Variants in TJP2 observed in about 807,000 individuals in gnomAD.
TJP2 encodes tight junction protein 2.
In TJP2, 91 loss-of-function variants were observed where a neutral mutation model predicts 133.1. That is an observed-to-expected ratio of 0.68 (90% CI 0.58 to 0.81). The LOEUF is 0.81. Ranked by LOEUF, TJP2 falls within the 40% of genes least tolerant of loss-of-function variation. The pLI is 0.00. For missense variants in TJP2, 1,541 were observed against 1,565.6 expected (o/e 0.98, Z 0.26); for synonymous variants, 592 against 583.4 (o/e 1.01, Z -0.21).
At chr9:69,167,281 G>C (rs1824410159) in intron 2 of TJP2, among the ~76,000 whole-genome samples, 1 of 152,060 alleles carries the variant, frequency 6.6e-6, no homozygotes, top group Admixed American at 6.6e-5. Flanking sequence ...ACTGTAGTGG[G>C]ATCTCATTTT....
intron 17 of TJP2, among the ~76,000 whole-genome samples, chr9:69,245,404 T>C (rs1830852686): frequency 6.6e-6 from 1 of 152,240 alleles, no homozygotes; most frequent in Non-Finnish European, 1.5e-5. Context: ...CTAATTTACC[T>C]GCAGTCTGAT....
At position 69,174,293 on chromosome 9, in the gene TJP2, G is replaced by C; in HGVS notation, c.-80G>C. 6.5e-7 allele frequency: 1 copy of C among 1,549,598 alleles called. No individual in the cohort carries two copies. The highest frequency in any genetic ancestry group is 1.2e-5 in the South Asian group (1 of 83,960). Reference sequence around the variant, plus strand: ...CTGCGGGTCAGAGCACTGTCCGGTGGTGCCCAGGAGGAGTAGGAGCAGGAG... The same window carrying C: ...CTGCGGGTCAGAGCACTGTCCGGTGCTGCCCAGGAGGAGTAGGAGCAGGAG... On this transcript the variant is annotated 5_prime_UTR_variant, in exon 1 of 23. Coordinates refer to ENST00000377245, the MANE Select transcript of TJP2 (RefSeq NM_004817.4).
chr9:69,171,389 C>A (rs1410728243), upstream of TJP2, among the ~76,000 whole-genome samples: 3 of 152,120 alleles, frequency 2.0e-5, no homozygotes, highest in Non-Finnish European at 2.9e-5. Context: ...TCTCCTCCCC[C>A]ACCAACCCCT....
chr9:69,137,249 CTTTCTTTCTTTCTTTCTTTCTT>C (rs1564372343), intron 1 of TJP2, among the ~76,000 whole-genome samples: 1 of 20,470 alleles, frequency 4.9e-5, no homozygotes, highest in Non-Finnish European at 9.1e-5. Context: ...TTCTCTCTCT[CTTTCTTTCTTTCTTTCTTTCTT>C]TTTCTTTCTT....
chr9:69,164,255 A>G (rs576808783), intron 2 of TJP2, among the ~76,000 whole-genome samples: 1 of 152,226 alleles, frequency 6.6e-6, no homozygotes, highest in Admixed American at 6.5e-5. Flanking sequence ...ATACTCTTCA[A>G]CTTTAATCTG....
In TJP2 at chr9:69,221,258, C is replaced by T. The variant is rs923357280; in HGVS notation, c.714C>T (p.Asp238=). Residue 238 remains aspartate (D), a synonymous_variant, in exon 5 of 23, where the codon GAC becomes GAT. Coordinates refer to ENST00000377245, the MANE Select transcript of TJP2 (RefSeq NM_004817.4). ...DFGPSRDRDR[D]RSRGRSIDQD... is the part of the protein sequence containing the mutation. ...GGCCATCCCGGGACCGGGACCGTGA[C>T]CGCAGCCGCGGCCGGAGCATTGACC... is the stretch of plus-strand genomic sequence containing the variant. 5 of 1,608,356 alleles carry T rather than the reference C, an allele frequency of 3.1e-6. No individual in the cohort carries two copies. Among genetic ancestry groups the T allele is most frequent in the Non-Finnish European group, 3.4e-6 (4 of 1,177,874 alleles).
At chr9:69,177,174 CAG>C (rs1377443991) in intron 1 of TJP2, among the ~76,000 whole-genome samples, 2 of 152,158 alleles carry the variant, frequency 1.3e-5, no homozygotes, top group African/African-American at 4.8e-5. Context: ...AAGCAGTAAT[CAG>C]GGGCCCAACA....
Position 69,196,950 on chromosome 9 carries a change from C to CGTGTGTGTGTGT in TJP2, c.61-15598_61-15597insGTGTGTGTGTGT, listed in dbSNP as rs1564425664. The stretch of plus-strand genomic sequence containing the variant: ...ATATGTGTGTGTGTGTGTGTGTACA[C>CGTGTGTGTGTGT]ACACACACACACACACACACACACA... On this transcript the variant is annotated intron_variant, in intron 1 of 22. Transcript: ENST00000377245. Among the ~76,000 whole-genome samples the CGTGTGTGTGTGT allele has an allele frequency of 7.4e-4, 94 of 126,254 alleles. 1 individual carries two copies. The highest frequency in any genetic ancestry group is 2.5e-3 in the African/African-American group (92 of 36,364). The allele number at this position is 126,254 out of a possible 152,430, so 82.8% of individuals were successfully genotyped here. A position where few individuals can be genotyped will look rare whatever the true frequency, so the allele number is the denominator to read the frequency against.
chr9:69,140,853 CTT>C (rs1225915138), intron 1 of TJP2, among the ~76,000 whole-genome samples: 1 of 152,068 alleles, frequency 6.6e-6, no homozygotes, highest in Non-Finnish European at 1.5e-5. Flanking sequence ...TTTTATTTCT[CTT>C]TGTTTTTTTG....
intron 1 of TJP2, among the ~76,000 whole-genome samples, chr9:69,149,176 A>T (rs1157269988): frequency 6.6e-6 from 1 of 151,806 alleles, no homozygotes; most frequent in Non-Finnish European, 1.5e-5. Context: ...ACATGAAAAA[A>T]CTCCTTGGAT....
chr9:69,225,045 C>T (rs773581700), intron 5 of TJP2, among the ~76,000 whole-genome samples: 41 of 152,128 alleles, frequency 2.7e-4, no homozygotes, highest in African/African-American at 8.7e-4. Flanking sequence ...CTTCCCCCAC[C>T]CTCCACTGGA....
intron 1 of TJP2, among the ~76,000 whole-genome samples, chr9:69,131,404 T>C (rs574880600): frequency 1.3e-5 from 2 of 152,258 alleles, no homozygotes; most frequent in South Asian, 2.1e-4. Context: ...GGCCCACTGG[T>C]GTTGGGTCCT....
At chr9:69,147,531 G>A (rs1823265677) in intron 1 of TJP2, among the ~76,000 whole-genome samples, 3 of 152,296 alleles carry the variant, frequency 2.0e-5, no homozygotes, top group Middle Eastern at 3.4e-3. Flanking sequence ...CTGGCTCTCA[G>A]ACAGAAACGG....
intron 1 of TJP2, among the ~76,000 whole-genome samples, chr9:69,175,247 G>A (rs1366467388): frequency 6.6e-6 from 1 of 152,164 alleles, no homozygotes; most frequent in Admixed American, 6.5e-5. Flanking sequence ...AGTAATGATG[G>A]TTGTGGTTTC....
intron 5 of TJP2, among the ~76,000 whole-genome samples, chr9:69,224,676 C>CA (rs1829195087): frequency 6.6e-6 from 1 of 151,656 alleles, no homozygotes; most frequent in Middle Eastern, 3.4e-3. Context: ...GATTCTGTCT[C>CA]AAAAAAAGAA....
rs1361111429 is a variant in TJP2 at position 69,254,611 on chromosome 9, A to G, written c.*237A>G. 6.5e-6 allele frequency: 4 copies of G among 610,850 alleles called. No homozygotes were observed. Among genetic ancestry groups the G allele is most frequent in the Admixed American group, 5.6e-5 (2 of 35,992 alleles). The allele number at this position is 610,850 out of a possible 1,614,324, so 37.8% of individuals were successfully genotyped here. The stretch of plus-strand genomic sequence containing the variant: ...GGCTTTTTGTTCAGAATTAAGCAGA[A>G]CACTGCAGTCAGATCCTGTTACTTG... On this transcript the variant is annotated 3_prime_UTR_variant, in exon 23 of 23. Coordinates refer to ENST00000377245, the MANE Select transcript of TJP2 (RefSeq NM_004817.4).
At chr9:69,156,707 G>A (rs7850886) in intron 2 of TJP2, among the ~76,000 whole-genome samples, 127,885 of 151,162 alleles carry the variant, frequency 0.85, 54,246 homozygotes, top group African/African-American at 0.89. Flanking sequence ...AATTTTTTGT[G>A]TTTTTAGTAG....
rs368211022 is a variant in TJP2, at chr9:69,236,037, A to G, written c.1790A>G (p.Asp597Gly). ...LAQSRADVYRDILACGRGDSF... is the reference protein window; with the variant it reads ...LAQSRADVYRGILACGRGDSF... ...TGCTTTTGTCTTTCAGTGTATAGAGACATCCTGGCTTGTGGCAGAGGGGAT... is the reference window on the plus strand; with the variant it reads ...TGCTTTTGTCTTTCAGTGTATAGAGGCATCCTGGCTTGTGGCAGAGGGGAT... The change falls in exon 13 of 23, where the codon GAC becomes GGC. Residue 597 changes from aspartate to glycine, a missense_variant. Coordinates refer to ENST00000377245, the MANE Select transcript of TJP2 (RefSeq NM_004817.4). 1.2e-6 allele frequency: 2 copies of G among 1,614,034 alleles called. No homozygotes were observed. Among genetic ancestry groups the G allele is most frequent in the African/African-American group, 1.3e-5 (1 of 74,916 alleles).
At chr9:69,137,625 A>G (rs1341082183) in intron 1 of TJP2, among the ~76,000 whole-genome samples, 3 of 151,542 alleles carry the variant, frequency 2.0e-5, no homozygotes, top group African/African-American at 7.3e-5. Flanking sequence ...CGGCCTCCCA[A>G]AGTGCTGGGA....
Sources: allele counts gnomAD v4.1 joint callset (sites outside exome capture counted in the v4.1 genomes callset), GRCh38; gene constraint gnomAD v4.1.1; transcripts MANE v1.5; gene names NCBI Gene and HGNC (gene_info 2026-07-23, HGNC 2026-07-21).